The following SCAMP1 variants were observed in gnomAD, a reference collection of about 807,000 sequenced individuals.
SCAMP1 encodes the protein secretory carrier-associated membrane protein 1.
In SCAMP1, 15 loss-of-function variants were observed where a neutral mutation model predicts 41.8. That is an observed-to-expected ratio of 0.36 (90% CI 0.24 to 0.55). The LOEUF is 0.55. Among genes scored for constraint, SCAMP1 ranks in the 20% least tolerant of loss-of-function variants. The pLI is 0.86. For missense variants in SCAMP1, 341 were observed against 412.6 expected, an observed-to-expected ratio of 0.83 and a Z score of 1.50; for synonymous variants, 135 against 136.8, an observed-to-expected ratio of 0.99 and a Z score of 0.09.
At chr5:78,390,067 CT>C (rs1200592412) in intron 2 of SCAMP1, among the ~76,000 whole-genome samples, 1 of 152,116 alleles carries the variant, frequency 6.6e-6, no homozygotes, top group Non-Finnish European at 1.5e-5. Context: ...TGACTTGGGA[CT>C]TGTGACTGGT....
intron 2 of SCAMP1, among the ~76,000 whole-genome samples, chr5:78,409,875 G>C (rs1393146126): frequency 6.6e-6 from 1 of 152,124 alleles, no homozygotes; most frequent in Non-Finnish European, 1.5e-5. Context: ...AATTTCTTCT[G>C]TGTTTTTCCT....
At chr5:78,470,317 A>G (rs1008110529) in intron 8 of SCAMP1, among the ~76,000 whole-genome samples, 1 of 152,164 alleles carries the variant, frequency 6.6e-6, no homozygotes, top group South Asian at 2.1e-4. Flanking sequence ...AACTCTAATC[A>G]TTAAGCAATA....
At chr5:78,383,459 TTTG>T (rs1302584179) in intron 1 of SCAMP1, among the ~76,000 whole-genome samples, 1 of 152,158 alleles carries the variant, frequency 6.6e-6, no homozygotes, top group Non-Finnish European at 1.5e-5. Flanking sequence ...ATTATCCTTT[TTTG>T]TTGTTGTGTT....
chr5:78,429,205 A>G (rs918980247), intron 6 of SCAMP1, among the ~76,000 whole-genome samples: 1 of 151,964 alleles, frequency 6.6e-6, no homozygotes, highest in Non-Finnish European at 1.5e-5. Context: ...AAGTAGGAGG[A>G]GTAACATCCA....
chr5:78,401,714 C>T (rs191167475), intron 2 of SCAMP1, among the ~76,000 whole-genome samples: 3 of 152,186 alleles, frequency 2.0e-5, no homozygotes, highest in East Asian at 3.9e-4. Flanking sequence ...TTTGTGTCCT[C>T]CCTTTTGTTC....
At chr5:78,457,580 C>G (rs1753451996) in intron 7 of SCAMP1, among the ~76,000 whole-genome samples, 2 of 152,200 alleles carry the variant, frequency 1.3e-5, no homozygotes, top group African/African-American at 2.4e-5. Flanking sequence ...AACCACTGCT[C>G]TCTTCAAAGC....
At chr5:78,398,424 G>T (rs1751710887) in intron 2 of SCAMP1, among the ~76,000 whole-genome samples, 1 of 133,928 alleles carries the variant, frequency 7.5e-6, no homozygotes, top group African/African-American at 2.8e-5. Flanking sequence ...CAGTGCAGTG[G>T]CATGAATGTA....
At chr5:78,470,111 T>A (rs75404848) in intron 8 of SCAMP1, among the ~76,000 whole-genome samples, 4 of 151,436 alleles carry the variant, frequency 2.6e-5, no homozygotes, top group African/African-American at 9.7e-5. Flanking sequence ...CAAAATAATT[T>A]AAAAAAACCT....
At chr5:78,416,163 C>T (rs773896914) in intron 3 of SCAMP1, among the ~76,000 whole-genome samples, 16 of 152,124 alleles carry the variant, frequency 1.1e-4, no homozygotes, top group Non-Finnish European at 1.9e-4. Flanking sequence ...TAATAGGAGC[C>T]AATTCAGTTG....
At position 78,432,040 on chromosome 5, in the gene SCAMP1, C is replaced by G. The variant is rs114385034; in HGVS notation, c.632+10080C>G. On this transcript the variant is annotated intron_variant, in intron 6 of 8. Transcript: ENST00000621999. The stretch of plus-strand genomic sequence containing the variant: ...GACAATAGTCACCCTGTCGTGCTAT[C>G]AAATACTAAGTTACTCATTCTTTCT... Among the ~76,000 whole-genome samples the G allele has an allele frequency of 3.2e-3, 484 of 152,162 alleles. 2 individuals carry two copies. The highest frequency in any genetic ancestry group is 0.011 in the African/African-American group (465 of 41,550).
intron 8 of SCAMP1, among the ~76,000 whole-genome samples, chr5:78,460,742 CTCCTTCCTTCCTTCCT>C (rs1188221227): frequency 0.011 from 962 of 84,944 alleles, 50 homozygotes; most frequent in Non-Finnish European, 0.018. Context: ...GGTTTCTTTT[CTCCTTCCTTCCTTCCT>C]TCCTTCCTTC....
chr5:78,438,768 T>G (rs2112182837), intron 6 of SCAMP1, among the ~76,000 whole-genome samples: 1 of 152,326 alleles, frequency 6.6e-6, no homozygotes, highest in South Asian at 2.1e-4. Flanking sequence ...CTGGATATCC[T>G]TGTTAACCTT....
intron 6 of SCAMP1, among the ~76,000 whole-genome samples, chr5:78,438,341 G>A (rs867630160): frequency 6.6e-6 from 1 of 152,110 alleles, no homozygotes; most frequent in South Asian, 2.1e-4. Flanking sequence ...GCTTTCTCTT[G>A]TGAGCATTTA....
chr5:78,397,295 A>C (rs1304702700), intron 2 of SCAMP1, among the ~76,000 whole-genome samples: 3 of 152,180 alleles, frequency 2.0e-5, no homozygotes, highest in African/African-American at 7.2e-5. Context: ...CAGTAGAATG[A>C]AGTTGGACTC....
chr5:78,448,645 A>G (rs907808466), intron 6 of SCAMP1, among the ~76,000 whole-genome samples: 1 of 152,356 alleles, frequency 6.6e-6, no homozygotes, highest in Middle Eastern at 3.4e-3. Context: ...AAAAGACTGT[A>G]ACAAGTGTTA....
chr5:78,400,779 T>A (rs1173547000), intron 2 of SCAMP1, among the ~76,000 whole-genome samples: 1 of 152,240 alleles, frequency 6.6e-6, no homozygotes, highest in Non-Finnish European at 1.5e-5. Flanking sequence ...GTTGATGATC[T>A]TGTTATCTGT....
chr5:78,454,784 T>A (rs1334251770), intron 7 of SCAMP1, among the ~76,000 whole-genome samples: 1 of 152,232 alleles, frequency 6.6e-6, no homozygotes, highest in Non-Finnish European at 1.5e-5. Context: ...GTACCTCTGA[T>A]CGAATTCGGC....
At chr5:78,423,430 A>C (rs901383430) in intron 6 of SCAMP1, among the ~76,000 whole-genome samples, 72 of 151,678 alleles carry the variant, frequency 4.7e-4, no homozygotes, top group Non-Finnish European at 7.1e-4. Context: ...GTTTTTTGTT[A>C]GTTTGTTTTG....
At chr5:78,370,348 G>T (rs12186969) in intron 1 of SCAMP1, among the ~76,000 whole-genome samples, 67,321 of 152,038 alleles carry the variant, frequency 0.44, 15,767 homozygotes, top group Non-Finnish European at 0.5. Context: ...AGGTGACATG[G>T]AGTTTGGTTA....
Sources: allele counts gnomAD v4.1 joint callset (sites outside exome capture counted in the v4.1 genomes callset), GRCh38; gene constraint gnomAD v4.1.1; transcripts MANE v1.5; gene names NCBI Gene and HGNC (gene_info 2026-07-23, HGNC 2026-07-21).